Variants in HDX observed in about 807,000 individuals in gnomAD.
HDX encodes chromosome X open reading frame 43.
In HDX, 19 loss-of-function variants were observed where a neutral mutation model predicts 45.2. That is an observed-to-expected ratio of 0.42 (90% CI 0.29 to 0.62). The LOEUF (loss-of-function observed/expected upper bound fraction) is 0.62, where lower values mean the gene tolerates loss of function less well. HDX is among the 20% of genes least tolerant of loss of function. The pLI is 0.20. For missense variants in HDX, 532 were observed against 493.9 expected (o/e 1.08, Z -0.73); for synonymous variants, 188 against 172.8 (o/e 1.09, Z -0.69).
Position 84,469,110 on chromosome X carries a change from A to C in HDX, c.613T>G (p.Ser205Ala). Residue 205 changes from serine to alanine, a missense_variant, in exon 4 of 11, where the codon TCT (serine) becomes GCT (alanine). Physicochemically the swap from Ser to Ala is moderately conservative, Grantham distance 99. Transcript: ENST00000373177. ...GGCTTTTGAGGTACTGTCATTTCAG[A>C]AGCTTGTACTGAAGAGTTTCCATAG... ...KNYGNSSVQASEMTVPQKPSV... is the reference protein window; with the variant it reads ...KNYGNSSVQAAEMTVPQKPSV... The C allele has an allele frequency of 8.3e-7, 1 of 1,211,088 alleles. No homozygotes were observed. Among genetic ancestry groups the C allele is most frequent in the Non-Finnish European group, 1.1e-6 (1 of 895,173 alleles).
chrX:84,453,197 G>A (rs932916008), intron 4 of HDX, among the ~76,000 whole-genome samples: 3 of 112,097 alleles, frequency 2.7e-5, no homozygotes, highest in Middle Eastern at 4.2e-3. Context: ...ATTGTCCTCC[G>A]CTCAAGAATA....
chrX:84,472,945 C>T (rs183733421), intron 3 of HDX, among the ~76,000 whole-genome samples: 42 of 107,880 alleles, frequency 3.9e-4, no homozygotes, highest in African/African-American at 1.0e-3. Context: ...TTCTCATTTA[C>T]GTTACATCTT....
chrX:84,474,466 A>T (rs2040510821), intron 3 of HDX, among the ~76,000 whole-genome samples: 1 of 111,666 alleles, frequency 9.0e-6, no homozygotes, highest in Admixed American at 9.5e-5. Flanking sequence ...GGTACATCGA[A>T]AGCAAACTAA....
At position 84,468,957 on chromosome X, in the gene HDX, T is replaced by C. The variant is rs1359530207; in HGVS notation, c.766A>G (p.Arg256Gly). ...TCACGGATTTCCAAGTTTTGTGTTC[T>C]ACAGTAAGGGTCTCTAATAGTTGGC... Reference protein sequence around the residue: ...QKPTIRDPYCRTQNLEIREVF... With the variant: ...QKPTIRDPYCGTQNLEIREVF... The change falls in exon 4 of 11, where the codon AGA becomes GGA. Residue 256 changes from arginine (R) to glycine (G), a missense_variant. Arg to Gly is a moderately radical substitution (Grantham distance 125). This residue lies in a region of HDX where 376 missense variants were observed against 343.7 expected (regional missense o/e 1.09). Transcript: ENST00000373177. 2 of 1,212,076 alleles carry C rather than the reference T, an allele frequency of 1.7e-6. No individual in the cohort carries two copies. The highest frequency in any genetic ancestry group is 1.8e-5 in the South Asian group (1 of 56,997).
Position 84,469,408 on chromosome X carries a change from G to T in HDX, c.315C>A (p.Val105=), listed in dbSNP as rs762463084. The change falls in exon 4 of 11, where the codon GTC becomes GTA. Residue 105 remains valine, a synonymous_variant. Coordinates refer to ENST00000373177, the MANE Select transcript of HDX (RefSeq NM_001177479.2). Reference sequence around the variant, plus strand: ...CTGGACTGTATATACCAGTTACAATGACATCATTATTGGCAGATGTCCAAG... The same window carrying T: ...CTGGACTGTATATACCAGTTACAATTACATCATTATTGGCAGATGTCCAAG... ...QSSWTSANND[V]IVTGIYSPAS... 1 of 1,210,240 alleles carries T rather than the reference G, an allele frequency of 8.3e-7. No homozygotes were observed. Among genetic ancestry groups the T allele is most frequent in the South Asian group, 1.8e-5 (1 of 56,915 alleles).
chrX:84,474,357 A>G (rs751749734), intron 3 of HDX, among the ~76,000 whole-genome samples: 1 of 112,618 alleles, frequency 8.9e-6, no homozygotes, highest in African/African-American at 3.2e-5. Context: ...TGGTGGTACA[A>G]TTCCCTATTT....
At chrX:84,355,190 G>T (rs2147831144) in intron 6 of HDX, among the ~76,000 whole-genome samples, 1 of 109,253 alleles carries the variant, frequency 9.2e-6, no homozygotes, top group East Asian at 2.9e-4. Flanking sequence ...TGTTTTCTAT[G>T]AACTTTATTT....
intron 5 of HDX, among the ~76,000 whole-genome samples, chrX:84,386,842 T>G (rs1191804181): frequency 8.9e-6 from 1 of 112,034 alleles, no homozygotes; most frequent in Non-Finnish European, 1.9e-5. Context: ...CAATTTTATT[T>G]AATTCTTTTC....
intron 4 of HDX, among the ~76,000 whole-genome samples, chrX:84,459,126 G>A (rs930176307): frequency 1.2e-4 from 13 of 111,817 alleles, no homozygotes; most frequent in African/African-American, 4.2e-4. Flanking sequence ...ATATGTTCCT[G>A]AACGATCAGT....
intron 5 of HDX, among the ~76,000 whole-genome samples, chrX:84,392,804 A>G (rs928845344): frequency 9.4e-5 from 5 of 53,419 alleles, no homozygotes; most frequent in African/African-American, 3.1e-4. Context: ...GTATCTATGG[A>G]TTTTTATATA....
chrX:84,318,080 A>C lies in HDX; in HGVS notation c.*3809T>G, dbSNP rs73505177. ...GTGTGGAGCAATATACACTCAGTAT[A>C]TATTTTAATGAAACAATTTTAATTA... On this transcript the variant is annotated 3_prime_UTR_variant, in exon 11 of 11. Coordinates refer to ENST00000373177, the MANE Select transcript of HDX (RefSeq NM_001177479.2). 1.8e-5 allele frequency: 2 copies of C among 111,303 alleles called. No individual in the cohort carries two copies. The highest frequency in any genetic ancestry group is 3.8e-5 in the Non-Finnish European group (2 of 52,633). 9.2% of individuals were successfully genotyped at this position (111,303 alleles called of 1,213,427 possible).
intron 5 of HDX, among the ~76,000 whole-genome samples, chrX:84,389,188 G>A (rs979912332): frequency 1.9e-4 from 21 of 112,166 alleles, no homozygotes; most frequent in Admixed American, 1.4e-3. Flanking sequence ...GTCATTTGCA[G>A]GCATGCTCTG....
At chrX:84,419,008 A>C (rs1174674277) in intron 5 of HDX, among the ~76,000 whole-genome samples, 2 of 112,012 alleles carry the variant, frequency 1.8e-5, no homozygotes, top group African/African-American at 6.5e-5. Flanking sequence ...CCTAGCTTCC[A>C]GATGACATTT....
intron 5 of HDX, among the ~76,000 whole-genome samples, chrX:84,369,049 G>A (rs2037831462): frequency 9.0e-6 from 1 of 110,688 alleles, no homozygotes; most frequent in South Asian, 3.9e-4. Flanking sequence ...GGCTCATGGA[G>A]TGGGAACCCT....
chrX:84,378,687 C>A (rs2038116870), intron 5 of HDX, among the ~76,000 whole-genome samples: 1 of 111,245 alleles, frequency 9.0e-6, no homozygotes, highest in Non-Finnish European at 1.9e-5. Flanking sequence ...ACTAAATCAT[C>A]TTACCAGACA....
intron 4 of HDX, among the ~76,000 whole-genome samples, chrX:84,448,363 G>A (rs2039920130): frequency 9.0e-6 from 1 of 111,013 alleles, no homozygotes; most frequent in Admixed American, 9.5e-5. Flanking sequence ...CACCACAACT[G>A]TATCTGTTAA....
chrX:84,354,930 C>CACATATAT (rs1322780448), intron 6 of HDX, among the ~76,000 whole-genome samples: 1 of 74,836 alleles, frequency 1.3e-5, no homozygotes, highest in African/African-American at 5.3e-5. Flanking sequence ...CACACACACA[C>CACATATAT]ATATATATAT....
At chrX:84,475,125 T>C in intron 3 of HDX, 126 bp downstream of exon 3, 1 of 505,965 alleles carries the variant, frequency 2.0e-6, no homozygotes, top group Non-Finnish European at 3.3e-6. Context: ...ATAGTATTGT[T>C]ATACCAGGGA....
intron 5 of HDX, among the ~76,000 whole-genome samples, chrX:84,384,696 T>C (rs1039422411): frequency 4.5e-5 from 5 of 111,276 alleles, no homozygotes; most frequent in Non-Finnish European, 7.5e-5. Flanking sequence ...CTTGAGTTAA[T>C]TTTTATATAT....
Sources: allele counts gnomAD v4.1 joint callset (sites outside exome capture counted in the v4.1 genomes callset), GRCh38; gene constraint gnomAD v4.1.1; regional missense constraint gnomAD v4.1.1; transcripts MANE v1.5; gene names NCBI Gene and HGNC (gene_info 2026-07-23, HGNC 2026-07-21).